The following MIGA1 variants were observed in gnomAD, a reference collection of about 807,000 sequenced individuals.
MIGA1 encodes the protein family with sequence similarity 73, member A.
A neutral mutation model predicts 82.0 loss-of-function variants in MIGA1; 58 were observed. The observed-to-expected ratio is 0.71, with a 90% CI of 0.57 to 0.88. The LOEUF (loss-of-function observed/expected upper bound fraction) is 0.88, where lower values mean the gene tolerates loss of function less well. Among genes scored for constraint, MIGA1 ranks in the 40% least tolerant of loss-of-function variants. The pLI, the probability that MIGA1 is intolerant of heterozygous loss-of-function variation, is 0.00. For missense variants in MIGA1, 751 were observed against 749.1 expected (o/e 1.00, Z -0.03); for synonymous variants, 249 against 253.6 (o/e 0.98, Z 0.17).
chr1:77,814,816 G>A (rs952725373), intron 6 of MIGA1, among the ~76,000 whole-genome samples: 10 of 152,144 alleles, frequency 6.6e-5, no homozygotes, highest in Non-Finnish European at 1.5e-5. Flanking sequence ...CCAAGTTCTT[G>A]GGTGATAATG....
At chr1:77,802,998 A>G (rs1038178714) in intron 3 of MIGA1, among the ~76,000 whole-genome samples, 1 of 152,190 alleles carries the variant, frequency 6.6e-6, no homozygotes, top group Non-Finnish European at 1.5e-5. Flanking sequence ...TGGTTACAAT[A>G]GACCATTCAA....
chr1:77,811,119 A>G (rs1200501116), intron 5 of MIGA1: 2 of 1,575,802 alleles, frequency 1.3e-6, no homozygotes, highest in South Asian at 1.1e-5. Context: ...CAATGTCCAC[A>G]TTAAAATGAA....
Position 77,874,724 on chromosome 1 carries a change from T to C in MIGA1, c.1681-122T>C, listed in dbSNP as rs113426822. On this transcript the variant is annotated intron_variant, in intron 15 of 15. Coordinates refer to ENST00000370791, the MANE Select transcript of MIGA1 (RefSeq NM_198549.4). ...GCAAGGTCCCTTTTCTAATGAGATATGAAACTAGCACTGGAAGTCAGGTCT... is the reference window on the plus strand; with the variant it reads ...GCAAGGTCCCTTTTCTAATGAGATACGAAACTAGCACTGGAAGTCAGGTCT... 8 of 672,452 alleles carry C rather than the reference T, an allele frequency of 1.2e-5. No individual in the cohort carries two copies. The South Asian group carries it at 1.6e-4, about 13-fold the overall frequency. 41.7% of individuals were successfully genotyped at this position (672,452 alleles called of 1,614,324 possible).
chr1:77,797,046 C>T (rs924243888), intron 2 of MIGA1, among the ~76,000 whole-genome samples: 2 of 152,178 alleles, frequency 1.3e-5, no homozygotes, highest in Admixed American at 1.3e-4. Context: ...AATTAAACAA[C>T]GTATAATCTT....
At chr1:77,788,638 T>A (rs1682279199) in intron 2 of MIGA1, among the ~76,000 whole-genome samples, 1 of 152,214 alleles carries the variant, frequency 6.6e-6, no homozygotes, top group South Asian at 2.1e-4. Context: ...TTTGAGTTAA[T>A]TTTTGTATGT....
At chr1:77,844,113 A>AATATATATATAT (rs869208869) in intron 8 of MIGA1, among the ~76,000 whole-genome samples, 8 of 90,132 alleles carry the variant, frequency 8.9e-5, no homozygotes, top group African/African-American at 3.6e-4. Flanking sequence ...AAAAAAAAAA[A>AATATATATATAT]ATATATATAT....
intron 2 of MIGA1, among the ~76,000 whole-genome samples, chr1:77,795,223 C>CA (rs1682604310): frequency 6.6e-6 from 1 of 152,184 alleles, no homozygotes; most frequent in Admixed American, 6.5e-5. Context: ...CTCGGCCTCT[C>CA]AAAGTGCTGG....
chr1:77,866,383 C>G lies in MIGA1; in HGVS notation c.1555C>G (p.Gln519Glu), dbSNP rs1486455315. ...GTCGGTGCTGAAACAGAAAAGACAA[C>G]AGATGAAGGTAAAATTCGTTATGTC... Residue 519 changes from glutamine to glutamate, a missense_variant, in exon 14 of 16, where the codon CAG (glutamine) becomes GAG (glutamate). Transcript: ENST00000370791. The G allele has an allele frequency of 2.5e-6, 4 of 1,613,714 alleles. No individual in the cohort carries two copies. Among genetic ancestry groups the G allele is most frequent in the Non-Finnish European group, 3.4e-6 (4 of 1,179,854 alleles).
In MIGA1 at chr1:77,877,094, T is replaced by TC. The variant is rs1182584629; in HGVS notation, c.*2032dup. On this transcript the variant is annotated 3_prime_UTR_variant, in exon 16 of 16. Coordinates refer to ENST00000370791, the MANE Select transcript of MIGA1 (RefSeq NM_198549.4). ...CTATCATACATAGCTCACTGCAGTC[T>TC]CCAACTCCTCATACCAGAGGCATGT... 1 of 152,164 alleles carries TC rather than the reference T, an allele frequency of 6.6e-6. No individual in the cohort carries two copies. Among genetic ancestry groups the TC allele is most frequent in the Non-Finnish European group, 1.5e-5 (1 of 68,036 alleles). The allele number at this position is 152,164 out of a possible 1,614,324, so 9.4% of individuals were successfully genotyped here.
intron 13 of MIGA1, among the ~76,000 whole-genome samples, chr1:77,865,086 G>A (rs1685612599): frequency 6.6e-6 from 1 of 151,458 alleles, no homozygotes; most frequent in Non-Finnish European, 1.5e-5. Flanking sequence ...ATTTGGTAAA[G>A]TGACCTTGAT....
chr1:77,836,194 G>T (rs757381771), intron 7 of MIGA1, among the ~76,000 whole-genome samples: 2 of 151,814 alleles, frequency 1.3e-5, no homozygotes, highest in Non-Finnish European at 2.9e-5. Context: ...AAACAAAAAG[G>T]GAAAAGAAAG....
intron 12 of MIGA1, chr1:77,861,616 GCA>G: frequency 3.0e-6 from 1 of 331,744 alleles, no homozygotes; most frequent in Non-Finnish European, 5.5e-6. Flanking sequence ...CAGGCCCCTA[GCA>G]GGACAGGAAT....
intron 1 of MIGA1, chr1:77,780,190 G>A: frequency 1.0e-6 from 1 of 988,206 alleles, no homozygotes; most frequent in Non-Finnish European, 1.2e-6. Context: ...GAGCGCGCTG[G>A]AGGTAGGGCA....
intron 7 of MIGA1, 89 bp downstream of exon 7, chr1:77,815,320 A>G: frequency 2.0e-6 from 2 of 1,012,226 alleles, no homozygotes; most frequent in Non-Finnish European, 2.7e-6. Flanking sequence ...TGTCTTATGT[A>G]ATAATAGGTT....
intron 2 of MIGA1, among the ~76,000 whole-genome samples, chr1:77,794,352 G>A (rs1682565716): frequency 6.6e-6 from 1 of 152,066 alleles, no homozygotes; most frequent in Admixed American, 6.5e-5. Flanking sequence ...GCATTTAGTT[G>A]TCAGGTTTCC....
Position 77,791,104 on chromosome 1 carries a change from G to T in MIGA1, c.195+7753G>T, listed in dbSNP as rs958023673. Among the ~76,000 whole-genome samples, 18 of 152,016 alleles carry T rather than the reference G, an allele frequency of 1.2e-4. No homozygotes were observed. In the East Asian group the frequency reaches 3.3e-3, roughly 28 times the overall value. ...CAAAAATAAAAATAAATATAAGCTG[G>T]GCATGGTGGTAGGTGCCTATAGTTC... On this transcript the variant is annotated intron_variant, in intron 2 of 15. Transcript: ENST00000370791.
chr1:77,805,516 C>A (rs1435947445), intron 4 of MIGA1, among the ~76,000 whole-genome samples: 6 of 69,636 alleles, frequency 8.6e-5, no homozygotes, highest in African/African-American at 2.7e-4. Flanking sequence ...TATACCTATT[C>A]TTTTTTCTTT....
intron 7 of MIGA1, among the ~76,000 whole-genome samples, chr1:77,818,122 ATTT>A (rs757391899): frequency 1.5e-5 from 2 of 134,944 alleles, no homozygotes; most frequent in Admixed American, 7.5e-5. Context: ...CGTCCTGCTA[ATTT>A]TTTTTTTTTT....
Position 77,859,325 on chromosome 1 carries a change from T to TG in MIGA1, c.1129dup (p.Glu377GlyfsTer7), listed in dbSNP as rs1246200407. On this transcript the variant is annotated frameshift_variant, in exon 10 of 16. Coordinates refer to ENST00000370791, the MANE Select transcript of MIGA1 (RefSeq NM_198549.4). LOFTEE classifies it high-confidence loss of function. ...TGTTTATTACATAGAACTGAAATGT[T>TG]GGAGTGCCTAGGAGACAGTGATTTT... is the stretch of plus-strand genomic sequence containing the variant. 6.2e-7 allele frequency: 1 copy of TG among 1,612,548 alleles called. No individual in the cohort carries two copies. The highest frequency in any genetic ancestry group is 2.2e-5 in the East Asian group (1 of 44,870).
Sources: allele counts gnomAD v4.1 joint callset (sites outside exome capture counted in the v4.1 genomes callset), GRCh38; gene constraint gnomAD v4.1.1; transcripts MANE v1.5; gene names NCBI Gene and HGNC (gene_info 2026-07-23, HGNC 2026-07-21).